The following RAB37 variants were observed in gnomAD, a reference collection of about 807,000 sequenced individuals.
The protein encoded by RAB37 is ras-related protein Rab-37.
RAB37 carries 29 observed loss-of-function variants against 33.1 expected under a neutral mutation model. The observed-to-expected ratio is 0.88, with a 90% CI of 0.65 to 1.20. RAB37 has a LOEUF of 1.20. Among genes scored for constraint, RAB37 ranks in the 50% most tolerant of loss-of-function variants. The probability of loss-of-function intolerance (pLI) is 0.00; values close to 1 mark genes in which losing one functional copy is unlikely to be tolerated. For synonymous variants in RAB37, 128 were observed against 119.5 expected (o/e 1.07, Z -0.47); for missense variants, 299 against 301.1 (o/e 0.99, Z 0.05).
chr17:74,744,168 C>T lies in RAB37; in HGVS notation c.367-140C>T. On this transcript the variant is annotated intron_variant, in intron 5 of 8. Coordinates refer to ENST00000392613, the MANE Select transcript of RAB37 (RefSeq NM_001006638.3). This position sits in a 1 kb window ranked among gnomAD's most constrained non-coding sequence, Gnocchi z 4.2. Reference sequence around the variant, plus strand: ...GGAAGGCCATCCAGGCCTGGATGGGCCAGAACAAAGGTACAGATGAGAGAA... The same window carrying T: ...GGAAGGCCATCCAGGCCTGGATGGGTCAGAACAAAGGTACAGATGAGAGAA... 1 of 797,726 alleles carries T rather than the reference C, an allele frequency of 1.3e-6. No individual in the cohort carries two copies. Among genetic ancestry groups the T allele is most frequent in the Non-Finnish European group, 2.0e-6 (1 of 508,426 alleles). The allele number at this position is 797,726 out of a possible 1,614,324, so 49.4% of individuals were successfully genotyped here.
intron 1 of RAB37, among the ~76,000 whole-genome samples, chr17:74,708,559 G>A (rs897299423): frequency 1.3e-5 from 2 of 152,094 alleles, no homozygotes; most frequent in African/African-American, 4.8e-5. Context: ...TACATAAACA[G>A]GATAAAACAT....
At chr17:74,680,519 T>C (rs2031932035) in intron 1 of RAB37, among the ~76,000 whole-genome samples, 1 of 152,106 alleles carries the variant, frequency 6.6e-6, no homozygotes, top group Admixed American at 6.5e-5. Flanking sequence ...GATTCAAATG[T>C]TTAATGCTAT....
chr17:74,713,021 G>C (rs1265013830), intron 1 of RAB37: 2 of 778,012 alleles, frequency 2.6e-6, no homozygotes, highest in Non-Finnish European at 4.1e-6. Context: ...GGAAGGAGGT[G>C]GTTGGTTGGG....
chr17:74,717,986 T>A (rs1459613282), intron 1 of RAB37, among the ~76,000 whole-genome samples: 1 of 151,808 alleles, frequency 6.6e-6, no homozygotes, highest in African/African-American at 2.4e-5. Flanking sequence ...CTGTGAGAAA[T>A]ACATTTCTGT....
At chr17:74,712,680 C>G in intron 1 of RAB37, 1 of 790,310 alleles carries the variant, frequency 1.3e-6, no homozygotes, top group East Asian at 2.6e-5. Flanking sequence ...AACGGAAATG[C>G]TAGGTGAATG....
In RAB37 at chr17:74,704,458, A is replaced by G. The variant is rs746517356; in HGVS notation, c.73-24798A>G. The G allele has an allele frequency of 9.0e-6, 14 of 1,562,448 alleles. No individual in the cohort carries two copies. In the African/African-American group the frequency reaches 1.8e-4, roughly 20 times the overall value. ...AGAGCAGGCCCTGAGAGACACACACATATATACACTCCCTCTTACCTGGGT... is the reference window on the plus strand; with the variant it reads ...AGAGCAGGCCCTGAGAGACACACACGTATATACACTCCCTCTTACCTGGGT... On this transcript the variant is annotated intron_variant, in intron 1 of 7. Coordinates refer to the RAB37 transcript ENST00000340415.
chr17:74,698,988 G>A (rs1018021131), intron 1 of RAB37, among the ~76,000 whole-genome samples: 3 of 151,910 alleles, frequency 2.0e-5, no homozygotes, highest in Admixed American at 2.0e-4. Context: ...GCATGATCTC[G>A]GCTCACTGCA....
At chr17:74,718,163 A>ACGAC (rs1235472118) in intron 1 of RAB37, among the ~76,000 whole-genome samples, 3 of 151,836 alleles carry the variant, frequency 2.0e-5, no homozygotes, top group Non-Finnish European at 1.5e-5. Flanking sequence ...GCATGGTGGC[A>ACGAC]CGACCCTGTA....
chr17:74,686,307 G>T (rs888713973), intron 1 of RAB37, among the ~76,000 whole-genome samples: 4 of 152,174 alleles, frequency 2.6e-5, no homozygotes, highest in Middle Eastern at 6.8e-3. Context: ...TGGCCAGGCT[G>T]GTGTCAAACT....
At chr17:74,689,443 GA>G (rs970805685) in intron 1 of RAB37, among the ~76,000 whole-genome samples, 1 of 148,354 alleles carries the variant, frequency 6.7e-6, no homozygotes, top group Non-Finnish European at 1.5e-5. Flanking sequence ...ACTCTGTCTG[GA>G]AAAAAAAAGA....
intron 1 of RAB37, among the ~76,000 whole-genome samples, chr17:74,705,745 C>T (rs780760332): frequency 6.6e-6 from 1 of 152,090 alleles, no homozygotes; most frequent in Admixed American, 6.6e-5. Flanking sequence ...CAGGCACATG[C>T]CTCCACGCCT....
rs1400523330 is a variant in RAB37 at position 74,744,421 on chromosome 17, C to T, written c.432+48C>T. 15 of 1,576,950 alleles carry T rather than the reference C, an allele frequency of 9.5e-6. No homozygotes were observed. Among genetic ancestry groups the T allele is most frequent in the Admixed American group, 1.7e-5 (1 of 59,874 alleles). ...CAGCCCAGCCCTGCACTTCCTCAGC[C>T]CTAGCCGGCCCCATAACCACCCAAG... On this transcript the variant is annotated intron_variant, in intron 6 of 8. Coordinates refer to ENST00000392613, the MANE Select transcript of RAB37 (RefSeq NM_001006638.3). This position sits in a 1 kb window ranked among gnomAD's most constrained non-coding sequence, Gnocchi z 4.2.
intron 1 of RAB37, among the ~76,000 whole-genome samples, chr17:74,719,963 T>C (rs371725444): frequency 5.3e-5 from 8 of 152,228 alleles, no homozygotes; most frequent in African/African-American, 1.9e-4. Context: ...AAGTTAATCA[T>C]ACTCCAGCAG....
chr17:74,690,460 G>A (rs2032138426), intron 1 of RAB37, among the ~76,000 whole-genome samples: 1 of 152,092 alleles, frequency 6.6e-6, no homozygotes, highest in African/African-American at 2.4e-5. Context: ...CCATATTTAA[G>A]ATGGTTCCTC....
rs2031700757 is a variant in RAB37, at chr17:74,671,404, C to T, written c.-183C>T. ...ACGCTCAGTCCTGGAAGAACGTGGC[C>T]GCCTGCCCGCCTGGTACCGCGCCGC... On this transcript the variant is annotated 5_prime_UTR_variant, in exon 1 of 8. Coordinates refer to the RAB37 transcript ENST00000340415. This position sits in a 1 kb window ranked among gnomAD's most constrained non-coding sequence, Gnocchi z 5.0. 1 of 604,470 alleles carries T rather than the reference C, an allele frequency of 1.7e-6. No homozygotes were observed. Among genetic ancestry groups the T allele is most frequent in the Non-Finnish European group, 2.9e-6 (1 of 342,348 alleles). 37.4% of individuals were successfully genotyped at this position (604,470 alleles called of 1,614,324 possible).
In RAB37 at chr17:74,671,700, C is replaced by G. The variant is rs1277903208; in HGVS notation, c.72+42C>G. The stretch of plus-strand genomic sequence containing the variant: ...TTCCTCAACCTAACGTTGGAAGAGG[C>G]GCCAGCACCAGGAGTTTTCTCCACT... On this transcript the variant is annotated intron_variant, in intron 1 of 7. Transcript: ENST00000340415. The surrounding 1 kb of genome is among the most constrained non-coding windows in gnomAD (Gnocchi z 5.0). 5.1e-6 allele frequency: 8 copies of G among 1,578,574 alleles called. No individual in the cohort carries two copies. Among genetic ancestry groups the G allele is most frequent in the Non-Finnish European group, 5.2e-6 (6 of 1,147,856 alleles).
rs866551091 is a variant in RAB37, at chr17:74,704,306, G to T, written c.73-24950G>T. The T allele has an allele frequency of 9.9e-5, 60 of 607,580 alleles. 1 individual carries two copies. The highest frequency in any genetic ancestry group is 4.5e-4 in the South Asian group (22 of 49,254). 37.6% of individuals were successfully genotyped at this position (607,580 alleles called of 1,614,324 possible). The stretch of plus-strand genomic sequence containing the variant: ...GGAGGGAGCCCTGGGAGCCATGGGG[G>T]CATTGAAGAGAGGCCCTGCTCCCCC... On this transcript the variant is annotated intron_variant, in intron 1 of 7. Coordinates refer to the RAB37 transcript ENST00000340415.
rs1382743915 is a variant in RAB37 at position 74,676,978 on chromosome 17, C to T, written c.72+5320C>T. On this transcript the variant is annotated intron_variant, in intron 1 of 7. Transcript: ENST00000340415. This position sits in a 1 kb window ranked among gnomAD's most constrained non-coding sequence, Gnocchi z 4.1. ...CCAGCTTGGCCAACATGGTGAAACT[C>T]GTCTCTACTAAAAATACAAAAATTA... is the stretch of plus-strand genomic sequence containing the variant. 1.3e-5 allele frequency among the ~76,000 whole-genome samples: 2 copies of T among 151,876 alleles called. No homozygotes were observed. The highest frequency in any genetic ancestry group is 2.9e-5 in the Non-Finnish European group (2 of 67,984).
chr17:74,677,959 T>A (rs1449490692), intron 1 of RAB37, among the ~76,000 whole-genome samples: 8 of 152,158 alleles, frequency 5.3e-5, no homozygotes, highest in African/African-American at 1.9e-4. Context: ...TTTCCTCTTA[T>A]AAGCTGTTCT....
Sources: gnomAD v4.1 joint callset for allele counts (sites outside exome capture counted in the v4.1 genomes callset) on GRCh38, gnomAD v4.1.1 for gene constraint, Gnocchi (gnomAD v3.1) non-coding constraint, MANE v1.5 for transcripts, NCBI Gene and HGNC (gene_info 2026-07-23, HGNC 2026-07-21) for gene names.